Variants in AGBL4 observed in about 807,000 individuals in gnomAD.
AGBL4 encodes AGBL carboxypeptidase 4.
Under a neutral mutation model 66.4 loss-of-function variants are expected in AGBL4, and 58 were observed. The observed-to-expected ratio is 0.87, with a 90% CI of 0.71 to 1.09. The LOEUF is 1.09. AGBL4 is among the 50% of genes least tolerant of loss of function. The probability of loss-of-function intolerance (pLI) is 0.00; values close to 1 mark genes in which losing one functional copy is unlikely to be tolerated. For synonymous variants in AGBL4, 234 were observed against 222.9 expected, an observed-to-expected ratio of 1.05 and a Z score of -0.44; for missense variants, 579 against 631.0, an observed-to-expected ratio of 0.92 and a Z score of 0.88.
intron 1 of AGBL4, among the ~76,000 whole-genome samples, chr1:49,985,125 G>A (rs776182975): frequency 1.2e-4 from 19 of 152,102 alleles, no homozygotes; most frequent in Admixed American, 4.6e-4. Context: ...TTTATAGTAC[G>A]AATAATCTTG....
chr1:49,588,911 T>A (rs1031668630), intron 3 of AGBL4, among the ~76,000 whole-genome samples: 2 of 151,990 alleles, frequency 1.3e-5, no homozygotes, highest in Non-Finnish European at 2.9e-5. Context: ...TCTTCAAGTA[T>A]GTTGAACTAT....
intron 2 of AGBL4, among the ~76,000 whole-genome samples, chr1:49,776,022 T>C (rs1644187320): frequency 6.6e-6 from 1 of 152,070 alleles, no homozygotes; most frequent in Non-Finnish European, 1.5e-5. Context: ...ATAAGGTCCA[T>C]TCTCTGAAGG....
intron 3 of AGBL4, among the ~76,000 whole-genome samples, chr1:49,652,765 C>A (rs1436844107): frequency 6.6e-6 from 1 of 152,156 alleles, no homozygotes; most frequent in East Asian, 1.9e-4. Flanking sequence ...CCAGGAAGAA[C>A]CCCTCTGTGA....
At chr1:49,199,280 A>G (rs1647493091) in intron 4 of AGBL4, among the ~76,000 whole-genome samples, 1 of 152,190 alleles carries the variant, frequency 6.6e-6, no homozygotes, top group Admixed American at 6.5e-5. Flanking sequence ...CAAACTTTTA[A>G]CCACAATGCT....
chr1:49,986,003 C>A (rs1456441947), intron 1 of AGBL4, among the ~76,000 whole-genome samples: 1 of 152,070 alleles, frequency 6.6e-6, no homozygotes, highest in Admixed American at 6.5e-5. Context: ...TACTCTTCTA[C>A]TAAGGACATT....
At chr1:48,796,424 T>C (rs939749123) in intron 6 of AGBL4, among the ~76,000 whole-genome samples, 3 of 152,196 alleles carry the variant, frequency 2.0e-5, no homozygotes, top group African/African-American at 7.2e-5. Context: ...AGTAAACTCA[T>C]AAAAACTGAT....
chr1:49,048,185 C>T (rs1035695589), intron 4 of AGBL4: 7 of 152,074 alleles, frequency 4.6e-5, no homozygotes, highest in African/African-American at 7.2e-5. Context: ...TCTTCATTCA[C>T]GAGTGGTTCC....
At chr1:49,901,048 G>A (rs781627256) in intron 1 of AGBL4, among the ~76,000 whole-genome samples, 2 of 152,166 alleles carry the variant, frequency 1.3e-5, no homozygotes, top group Non-Finnish European at 2.9e-5. Context: ...ACACAGTTAA[G>A]CACAGAGTCA....
chr1:49,769,702 C>G (rs1386288796), intron 2 of AGBL4, among the ~76,000 whole-genome samples: 1 of 152,112 alleles, frequency 6.6e-6, no homozygotes, highest in Non-Finnish European at 1.5e-5. Context: ...CCAACAAAAA[C>G]GATGGGGACA....
At position 49,616,004 on chromosome 1, in the gene AGBL4, CT is replaced by C. The variant is rs1353902545; in HGVS notation, c.282+81308del. 2.0e-5 allele frequency among the ~76,000 whole-genome samples: 3 copies of C among 152,252 alleles called. No individual in the cohort carries two copies. In the East Asian group the frequency reaches 5.8e-4, roughly 29 times the overall value. Reference sequence around the variant, plus strand: ...AGTCTATTTTCTCTCCAAAATTAAACTGTTATTTCTTTACATACCCTTTTAT... The same window carrying C: ...AGTCTATTTTCTCTCCAAAATTAAACGTTATTTCTTTACATACCCTTTTAT... On this transcript the variant is annotated intron_variant, in intron 3 of 13. Coordinates refer to ENST00000371839, the MANE Select transcript of AGBL4 (RefSeq NM_032785.4).
intron 1 of AGBL4, among the ~76,000 whole-genome samples, chr1:49,924,034 C>G (rs1652524833): frequency 6.6e-6 from 1 of 152,144 alleles, no homozygotes; most frequent in South Asian, 2.1e-4. Context: ...TTAATTGCAG[C>G]ACTATTCACA....
At chr1:49,654,039 G>A (rs1251361313) in intron 3 of AGBL4, among the ~76,000 whole-genome samples, 6 of 152,138 alleles carry the variant, frequency 3.9e-5, no homozygotes, top group East Asian at 3.9e-4. Context: ...CTCCAAGATC[G>A]AAACGAAAGA....
intron 1 of AGBL4, among the ~76,000 whole-genome samples, chr1:49,935,936 A>T (rs560725666): frequency 6.6e-6 from 1 of 152,066 alleles, no homozygotes; most frequent in African/African-American, 2.4e-5. Context: ...GCGCCTCTCC[A>T]CCTCCAAAGG....
At chr1:49,655,975 C>T (rs1025793131) in intron 3 of AGBL4, among the ~76,000 whole-genome samples, 3 of 151,910 alleles carry the variant, frequency 2.0e-5, no homozygotes, top group African/African-American at 7.3e-5. Flanking sequence ...GGTGAAACCC[C>T]GTCTCTATTA....
At chr1:49,020,724 C>T (rs530530192) in intron 5 of AGBL4, among the ~76,000 whole-genome samples, 6 of 152,262 alleles carry the variant, frequency 3.9e-5, no homozygotes, top group African/African-American at 1.2e-4. Flanking sequence ...GATCTAACTC[C>T]AAGAGAACCT....
chr1:49,690,039 C>G (rs1442261179), intron 3 of AGBL4, among the ~76,000 whole-genome samples: 1 of 152,158 alleles, frequency 6.6e-6, no homozygotes, highest in Non-Finnish European at 1.5e-5. Context: ...AGCAATAGCA[C>G]CCTGATCAGT....
At chr1:49,838,750 A>G (rs2148034515) in intron 2 of AGBL4, among the ~76,000 whole-genome samples, 1 of 152,344 alleles carries the variant, frequency 6.6e-6, no homozygotes, top group African/African-American at 2.4e-5. Flanking sequence ...ACTGAAAATT[A>G]TCATGTTCTG....
intron 3 of AGBL4, among the ~76,000 whole-genome samples, chr1:49,634,512 C>T (rs564741511): frequency 8.3e-4 from 126 of 152,128 alleles, no homozygotes; most frequent in African/African-American, 2.8e-3. Flanking sequence ...TGAACAGTGT[C>T]GCAATAAACA....
At chr1:49,275,491 A>G (rs1461583003) in intron 3 of AGBL4, among the ~76,000 whole-genome samples, 1 of 152,206 alleles carries the variant, frequency 6.6e-6, no homozygotes, top group Non-Finnish European at 1.5e-5. Context: ...TATATGGCCA[A>G]TCACTATTGT....
Sources: gnomAD v4.1 joint callset for allele counts (sites outside exome capture counted in the v4.1 genomes callset) on GRCh38, gnomAD v4.1.1 for gene constraint, MANE v1.5 for transcripts, NCBI Gene and HGNC (gene_info 2026-07-23, HGNC 2026-07-21) for gene names.